The following STK24 variants were observed in gnomAD, a reference collection of about 807,000 sequenced individuals.
The protein encoded by STK24 is serine/threonine-protein kinase 24.
A neutral mutation model predicts 55.6 loss-of-function variants in STK24; 21 were observed. That is an observed-to-expected ratio of 0.38 (90% CI 0.27 to 0.54). The LOEUF (loss-of-function observed/expected upper bound fraction) is 0.54, where lower values mean the gene tolerates loss of function less well. Among genes scored for constraint, STK24 ranks in the 20% least tolerant of loss-of-function variants. The pLI is 0.79. For synonymous variants in STK24, 200 were observed against 215.2 expected, an observed-to-expected ratio of 0.93 and a Z score of 0.62; for missense variants, 383 against 538.4, an observed-to-expected ratio of 0.71 and a Z score of 2.86.
chr13:98,460,489 T>A, intron 8 of STK24, 49 bp from the exon 9 acceptor site: 1 of 1,516,308 alleles, frequency 6.6e-7, no homozygotes, highest in Non-Finnish European at 9.1e-7. Flanking sequence ...GACGTTCACA[T>A]TGGCAATAAT....
At chr13:98,519,524 C>G (rs763897657) in intron 1 of STK24, 51 bp from the exon 2 acceptor site, 3 of 1,397,272 alleles carry the variant, frequency 2.1e-6, no homozygotes, top group African/African-American at 2.9e-5. Flanking sequence ...CATAGCACCA[C>G]AACTCCTTTG....
chr13:98,548,715 A>G (rs1480301062), intron 1 of STK24, among the ~76,000 whole-genome samples: 1 of 152,032 alleles, frequency 6.6e-6, no homozygotes, highest in Non-Finnish European at 1.5e-5. Flanking sequence ...TACAAAAATT[A>G]GCCAGGCATG....
Position 98,446,046 on chromosome 13 carries a change from C to G in STK24, c.*7127G>C, listed in dbSNP as rs1382345468. On this transcript the variant is annotated 3_prime_UTR_variant, in exon 11 of 11. Transcript: ENST00000539966. The stretch of plus-strand genomic sequence containing the variant: ...GTGCAGGGAGAGCTGCTCTCTGTGC[C>G]CTCCTGGGGCAGGTGCCCGCTGTGC... 5.6e-6 allele frequency: 7 copies of G among 1,252,588 alleles called. No homozygotes were observed. Among genetic ancestry groups the G allele is most frequent in the Non-Finnish European group, 8.2e-6 (7 of 855,230 alleles). The allele number at this position is 1,252,588 out of a possible 1,614,324, so 77.6% of individuals were successfully genotyped here. A position where few individuals can be genotyped will look rare whatever the true frequency, so the allele number is the denominator to read the frequency against.
At chr13:98,475,019 T>C (rs759201271) in intron 4 of STK24, 41 bp from the exon 5 acceptor site, 5 of 1,569,960 alleles carry the variant, frequency 3.2e-6, no homozygotes, top group Non-Finnish European at 4.3e-6. Context: ...GGTGCGGACT[T>C]ACAACTCCGT....
intron 1 of STK24, among the ~76,000 whole-genome samples, chr13:98,569,835 A>G (rs1242853706): frequency 7.1e-6 from 1 of 140,298 alleles, no homozygotes; most frequent in South Asian, 2.3e-4. Flanking sequence ...AAGTCTATAG[A>G]CAATGCCTGA....
intron 9 of STK24, among the ~76,000 whole-genome samples, chr13:98,459,546 G>A (rs770787013): frequency 4.6e-5 from 7 of 152,374 alleles, no homozygotes; most frequent in African/African-American, 1.4e-4. Flanking sequence ...GCCCATGGCC[G>A]GGGGTCCCCC....
At chr13:98,486,601 C>A (rs1353126860) in intron 2 of STK24, among the ~76,000 whole-genome samples, 2 of 152,180 alleles carry the variant, frequency 1.3e-5, no homozygotes, top group African/African-American at 2.4e-5. Flanking sequence ...TCAGCAGCAC[C>A]CCTGGCTCTG....
intron 7 of STK24, 50 bp from the exon 8 acceptor site, chr13:98,461,947 G>C (rs1315956419): frequency 6.2e-7 from 1 of 1,603,612 alleles, no homozygotes; most frequent in Non-Finnish European, 8.5e-7. Flanking sequence ...CACCTGCTCT[G>C]GGGGCGCTGG....
intron 7 of STK24, 64 bp from the exon 8 acceptor site, chr13:98,461,961 G>A (rs368963516): frequency 4.8e-5 from 77 of 1,594,026 alleles, no homozygotes; most frequent in Middle Eastern, 1.9e-4. Flanking sequence ...GCGCTGGGAC[G>A]TTCAGGGGGA....
chr13:98,499,997 G>C (rs981670483), intron 2 of STK24, among the ~76,000 whole-genome samples: 2 of 152,200 alleles, frequency 1.3e-5, no homozygotes, highest in Non-Finnish European at 2.9e-5. Flanking sequence ...GCAGGGTTCA[G>C]CTCCTGTGAT....
intron 2 of STK24, among the ~76,000 whole-genome samples, chr13:98,517,503 G>A (rs948932833): frequency 2.0e-5 from 3 of 152,062 alleles, no homozygotes; most frequent in Non-Finnish European, 2.9e-5. Context: ...GTTGGTGAGC[G>A]ACTGTAATCC....
At chr13:98,468,412 T>C (rs1453559309) in intron 5 of STK24, among the ~76,000 whole-genome samples, 1 of 152,222 alleles carries the variant, frequency 6.6e-6, no homozygotes, top group Non-Finnish European at 1.5e-5. Context: ...TCCCAGTCTC[T>C]TGCCCCTAGG....
chr13:98,506,236 T>C (rs1422742741), intron 2 of STK24, among the ~76,000 whole-genome samples: 1 of 152,118 alleles, frequency 6.6e-6, no homozygotes, highest in East Asian at 1.9e-4. Context: ...GTCTGAACTG[T>C]CAGACAAAAA....
At chr13:98,575,876 A>T in intron 1 of STK24, 1 of 303,218 alleles carries the variant, frequency 3.3e-6, no homozygotes, top group East Asian at 1.7e-4. Context: ...AAGGGCTAAA[A>T]GCAACGACAA....
At chr13:98,569,290 T>C (rs1036749044) in intron 1 of STK24, among the ~76,000 whole-genome samples, 1 of 151,586 alleles carries the variant, frequency 6.6e-6, no homozygotes, top group Non-Finnish European at 1.5e-5. Context: ...AAATATCAAC[T>C]GAGGGAGAAG....
At chr13:98,560,043 T>C (rs1897379419) in intron 1 of STK24, among the ~76,000 whole-genome samples, 1 of 152,174 alleles carries the variant, frequency 6.6e-6, no homozygotes, top group Admixed American at 6.5e-5. Context: ...ATCCAAACTT[T>C]CAAAATCCAA....
At chr13:98,557,177 C>T (rs1256454883) in intron 1 of STK24, among the ~76,000 whole-genome samples, 3 of 152,200 alleles carry the variant, frequency 2.0e-5, no homozygotes, top group Admixed American at 2.0e-4. Flanking sequence ...TTCAATCACC[C>T]TCTGTATAGT....
chr13:98,550,401 A>T (rs1475720478), intron 1 of STK24, among the ~76,000 whole-genome samples: 3 of 152,110 alleles, frequency 2.0e-5, no homozygotes, highest in Non-Finnish European at 4.4e-5. Flanking sequence ...ATGGTGGTGC[A>T]CACCTGTAGT....
chr13:98,556,036 C>A (rs916754106), intron 1 of STK24, among the ~76,000 whole-genome samples: 2 of 152,160 alleles, frequency 1.3e-5, no homozygotes, highest in African/African-American at 4.8e-5. Context: ...GGTCTTTTAT[C>A]AGCATATACC....
Sources: allele counts gnomAD v4.1 joint callset (sites outside exome capture counted in the v4.1 genomes callset), GRCh38; gene constraint gnomAD v4.1.1; transcripts MANE v1.5; gene names NCBI Gene and HGNC (gene_info 2026-07-23, HGNC 2026-07-21).